Variants in UGT1A7 observed in about 807,000 individuals in gnomAD.
The protein encoded by UGT1A7 is UDP glucuronosyltransferase family 1 member A7.
In UGT1A7, 33 loss-of-function variants were observed where a neutral mutation model predicts 45.6. The observed-to-expected ratio is 0.72, with a 90% CI of 0.55 to 0.97. The LOEUF is 0.97. Ranked by LOEUF, UGT1A7 falls within the 50% of genes least tolerant of loss-of-function variation. UGT1A7 has a pLI of 0.00. For synonymous variants in UGT1A7, 274 were observed against 250.6 expected (o/e 1.09, Z -0.88); for missense variants, 684 against 666.2 (o/e 1.03, Z -0.29).
At chr2:233,748,206 C>A (rs553740973) in intron 1 of UGT1A7, 35 of 1,508,468 alleles carry the variant, frequency 2.3e-5, no homozygotes, top group Admixed American at 4.0e-5. Context: ...GTCGTAATAG[C>A]CTTCAGTGAG....
At chr2:233,685,615 C>A (rs1304035336) in intron 1 of UGT1A7, among the ~76,000 whole-genome samples, 1 of 152,224 alleles carries the variant, frequency 6.6e-6, no homozygotes, top group Non-Finnish European at 1.5e-5. Context: ...TTTATTTCAA[C>A]TTTTTATCAT....
At chr2:233,737,076 G>T (rs183644627) in intron 1 of UGT1A7, among the ~76,000 whole-genome samples, 1 of 152,230 alleles carries the variant, frequency 6.6e-6, no homozygotes, top group Non-Finnish European at 1.5e-5. Context: ...CTTCAGAGCT[G>T]TCAGACAGGG....
rs376446155 is a variant in UGT1A7 at position 233,682,045 on chromosome 2, C to T, written c.108C>T (p.Ser36=). Residue 36 remains serine (S), a synonymous_variant, in exon 1 of 5, where the codon AGC becomes AGT. Coordinates refer to ENST00000373426, the MANE Select transcript of UGT1A7 (RefSeq NM_019077.3). ...GKLLVVPMDG[S]HWFTMQSVVE... is the part of the protein sequence containing the mutation. ...TGCTGGTAGTGCCCATGGATGGGAG[C>T]CACTGGTTCACCATGCAGTCGGTGG... 11 of 1,613,974 alleles carry T rather than the reference C, an allele frequency of 6.8e-6. No individual in the cohort carries two copies. Among genetic ancestry groups the T allele is most frequent in the Non-Finnish European group, 8.5e-6 (10 of 1,180,020 alleles).
At chr2:233,734,324 A>G (rs1395140152) in intron 1 of UGT1A7, among the ~76,000 whole-genome samples, 1 of 152,194 alleles carries the variant, frequency 6.6e-6, no homozygotes, top group Non-Finnish European at 1.5e-5. Flanking sequence ...ACGTATTTAT[A>G]GTATTCTCTG....
intron 1 of UGT1A7, chr2:233,728,967 A>C: frequency 8.9e-6 from 13 of 1,466,634 alleles, no homozygotes; most frequent in Non-Finnish European, 1.2e-5. Flanking sequence ...AAAAACAGTG[A>C]TAGATTAATG....
Position 233,713,865 on chromosome 2 carries a change from A to G in UGT1A7, c.855+31073A>G, listed in dbSNP as rs752542051. On this transcript the variant is annotated intron_variant, in intron 1 of 4. Coordinates refer to ENST00000373426, the MANE Select transcript of UGT1A7 (RefSeq NM_019077.3). ...CGGGAAGCCACTATCTCAGGTCTGT[A>G]TTGGTGCCTTTATCCAATCAATGTT... 5.8e-5 allele frequency: 93 copies of G among 1,613,866 alleles called. No individual in the cohort carries two copies. In the African/African-American group the frequency reaches 1.1e-3, roughly 20 times the overall value.
At chr2:233,750,013 A>T (rs1694334722) in intron 1 of UGT1A7, among the ~76,000 whole-genome samples, 1 of 151,828 alleles carries the variant, frequency 6.6e-6, no homozygotes, top group East Asian at 1.9e-4. Context: ...TGCCATGGAG[A>T]GTGGAGTACT....
Position 233,713,802 on chromosome 2 carries a change from C to G in UGT1A7, c.855+31010C>G, listed in dbSNP as rs746544410. The G allele has an allele frequency of 1.9e-5, 30 of 1,613,976 alleles. No individual in the cohort carries two copies. In the Middle Eastern group the frequency reaches 1.2e-3, roughly 62 times the overall value. On this transcript the variant is annotated intron_variant, in intron 1 of 4. Transcript: ENST00000373426. ...GATGGATTACCCCAGGCCGATCATG[C>G]CCAACATGGTCTTCATTGGGGGCAT...
chr2:233,741,050 G>A (rs1276633164), intron 1 of UGT1A7, among the ~76,000 whole-genome samples: 2 of 151,768 alleles, frequency 1.3e-5, no homozygotes, highest in African/African-American at 4.9e-5. Context: ...TCTTGCCTAG[G>A]TAACAGCTAC....
At chr2:233,724,328 G>T (rs1446487590) in intron 1 of UGT1A7, among the ~76,000 whole-genome samples, 9 of 147,968 alleles carry the variant, frequency 6.1e-5, no homozygotes, top group South Asian at 2.3e-4. Context: ...CGGCTGGCCA[G>T]GCGGGGGGCT....
intron 1 of UGT1A7, among the ~76,000 whole-genome samples, chr2:233,757,554 A>ATATATATATATATATATATATT (rs1696625820): frequency 7.9e-6 from 1 of 126,928 alleles, no homozygotes; most frequent in Non-Finnish European, 1.6e-5. Context: ...ATATATATAT[A>ATATATATATATATATATATATT]TATATATGTA....
chr2:233,700,834 T>C (rs1000855869), intron 1 of UGT1A7, among the ~76,000 whole-genome samples: 1 of 152,120 alleles, frequency 6.6e-6, no homozygotes, highest in Admixed American at 6.5e-5. Flanking sequence ...AACTCGTCAT[T>C]TAGCATTAGG....
intron 1 of UGT1A7, among the ~76,000 whole-genome samples, chr2:233,728,166 GGAACCATTCTTATCAGAACTT>G (rs1169648713): frequency 6.6e-6 from 1 of 152,212 alleles, no homozygotes; most frequent in Non-Finnish European, 1.5e-5. Flanking sequence ...CTGTTCTGGA[GGAACCATTCTTATCAGAACTT>G]GGTGCTGGAT....
intron 1 of UGT1A7, among the ~76,000 whole-genome samples, chr2:233,740,131 G>A (rs1211321915): frequency 6.6e-6 from 1 of 151,860 alleles, no homozygotes; most frequent in East Asian, 1.9e-4. Context: ...CTTCTGTCAT[G>A]ATTGTAAGTT....
intron 4 of UGT1A7, among the ~76,000 whole-genome samples, chr2:233,771,823 C>T (rs1700395813): frequency 7.3e-6 from 1 of 137,044 alleles, no homozygotes; most frequent in Non-Finnish European, 1.6e-5. Flanking sequence ...TTCCTTGCTT[C>T]CTTCCCTCCT....
intron 1 of UGT1A7, among the ~76,000 whole-genome samples, chr2:233,724,133 G>A (rs1298685512): frequency 0.042 from 1,427 of 33,736 alleles, 2 homozygotes; most frequent in African/African-American, 0.058. Context: ...CTCACCTCCC[G>A]GACGGGGCGG....
intron 1 of UGT1A7, among the ~76,000 whole-genome samples, chr2:233,757,545 T>C (rs9711502): frequency 0.043 from 2,722 of 63,592 alleles, 156 homozygotes; most frequent in African/African-American, 0.1. Flanking sequence ...AATATATATA[T>C]ATATATATAT....
At chr2:233,699,830 A>G (rs549503068) in intron 1 of UGT1A7, among the ~76,000 whole-genome samples, 1 of 152,280 alleles carries the variant, frequency 6.6e-6, no homozygotes, top group Non-Finnish European at 1.5e-5. Context: ...TCTCAAATAG[A>G]ACTAATTTTT....
intron 1 of UGT1A7, among the ~76,000 whole-genome samples, chr2:233,723,539 T>A (rs866604181): frequency 9.1e-6 from 1 of 110,330 alleles, no homozygotes; most frequent in African/African-American, 3.8e-5. Flanking sequence ...TTTTTTTTAA[T>A]TTATTTTTTT....
Sources: gnomAD v4.1 joint callset for allele counts (sites outside exome capture counted in the v4.1 genomes callset) on GRCh38, gnomAD v4.1.1 for gene constraint, MANE v1.5 for transcripts, NCBI Gene and HGNC (gene_info 2026-07-23, HGNC 2026-07-21) for gene names.